The following SPRED3 variants were observed in gnomAD, a reference collection of about 807,000 sequenced individuals.
SPRED3 encodes the protein sprouty-related, EVH1 domain-containing protein 3.
In SPRED3, 23 loss-of-function variants were observed where a neutral mutation model predicts 37.6. That is an observed-to-expected ratio of 0.61 (90% CI 0.44 to 0.87). The LOEUF (loss-of-function observed/expected upper bound fraction) is 0.87. SPRED3 is among the 40% of genes least tolerant of loss of function. The pLI is 0.00. For missense variants in SPRED3, 584 were observed against 618.6 expected (o/e 0.94, Z 0.59); for synonymous variants, 302 against 279.6 (o/e 1.08, Z -0.80).
chr19:38,390,820 A>G (rs1366757848), intron 2 of SPRED3, among the ~76,000 whole-genome samples: 1 of 76,992 alleles, frequency 1.3e-5, no homozygotes, highest in Non-Finnish European at 2.5e-5. Flanking sequence ...AAAACCCTCC[A>G]TCTTGCTCAG....
At chr19:38,391,702 G>A (rs769781842) in intron 2 of SPRED3, among the ~76,000 whole-genome samples, 5 of 152,222 alleles carry the variant, frequency 3.3e-5, no homozygotes, top group African/African-American at 4.8e-5. Flanking sequence ...GGTTGATTCC[G>A]TAGTGAGCCC....
rs897664837 is a variant in SPRED3, at chr19:38,395,929, C to G, written c.1017C>G (p.Leu339=). ...LSCLWCAESL[L]YHCLSDAEGD... ...GCCTGTGGTGCGCCGAGAGCTTGCTCTACCACTGCCTGTCGGACGCCGAGG... is the reference window on the plus strand; with the variant it reads ...GCCTGTGGTGCGCCGAGAGCTTGCTGTACCACTGCCTGTCGGACGCCGAGG... Residue 339 remains leucine, a synonymous_variant, in exon 6 of 6, where the codon CTC becomes CTG. Transcript: ENST00000691638. This position sits in a 1 kb window ranked among gnomAD's most constrained non-coding sequence, Gnocchi z 5.2. The G allele has an allele frequency of 2.0e-6, 3 of 1,507,646 alleles. No individual in the cohort carries two copies. The highest frequency in any genetic ancestry group is 2.6e-6 in the Non-Finnish European group (3 of 1,137,084). 93.4% of individuals were successfully genotyped at this position (1,507,646 alleles called of 1,614,324 possible). A position where few individuals can be genotyped will look rare whatever the true frequency, so the allele number is the denominator to read the frequency against.
rs756112661 is a variant in SPRED3 at position 38,395,815 on chromosome 19, C to T, written c.903C>T (p.Arg301=). ...AGGCAGCGCGCTGCGTGCATTGCCGCGCGCTCTTCCGTCGCAGAGCAGACG... is the reference window on the plus strand; with the variant it reads ...AGGCAGCGCGCTGCGTGCATTGCCGTGCGCTCTTCCGTCGCAGAGCAGACG... ...AEEAARCVHC[R]ALFRRRADGR... The change falls in exon 6 of 6, where the codon CGC becomes CGT. Residue 301 remains arginine (R), a synonymous_variant. Transcript: ENST00000691638. This position sits in a 1 kb window ranked among gnomAD's most constrained non-coding sequence, Gnocchi z 5.2. 2 of 1,460,366 alleles carry T rather than the reference C, an allele frequency of 1.4e-6. No homozygotes were observed. The highest frequency in any genetic ancestry group is 2.9e-5 in the East Asian group (1 of 34,010). 90.5% of individuals were successfully genotyped at this position (1,460,366 alleles called of 1,614,324 possible).
rs1268272414 is a variant in SPRED3 at position 38,395,858 on chromosome 19, G to T, written c.946G>T (p.Ala316Ser). ...RRADGRGGRCAEAPDPGRLLV... is the reference protein window; with the variant it reads ...RRADGRGGRCSEAPDPGRLLV... Reference sequence around the variant, plus strand: ...AGCAGACGGGCGTGGCGGCCGCTGCGCAGAGGCCCCGGACCCGGGTCGCCT... The same window carrying T: ...AGCAGACGGGCGTGGCGGCCGCTGCTCAGAGGCCCCGGACCCGGGTCGCCT... Residue 316 changes from alanine to serine, a missense_variant, in exon 6 of 6, where the codon GCA becomes TCA. Around this residue, in one of 7 missense-constraint regions of SPRED3, gnomAD observed 67 missense variants for 57.4 expected, o/e 1.17. Coordinates refer to ENST00000691638, the MANE Select transcript of SPRED3 (RefSeq NM_001394336.1). This position sits in a 1 kb window ranked among gnomAD's most constrained non-coding sequence, Gnocchi z 5.2. The T allele has an allele frequency of 6.7e-7, 1 of 1,481,618 alleles. No homozygotes were observed. Among genetic ancestry groups the T allele is most frequent in the Non-Finnish European group, 8.9e-7 (1 of 1,124,520 alleles). The allele number at this position is 1,481,618 out of a possible 1,614,324, so 91.8% of individuals were successfully genotyped here. A position where few individuals can be genotyped will look rare whatever the true frequency, so the allele number is the denominator to read the frequency against.
At position 38,392,093 on chromosome 19, in the gene SPRED3, G is replaced by T. The variant is rs375310123; in HGVS notation, c.325G>T (p.Ala109Ser). Residue 109 changes from alanine to serine, a missense_variant, in exon 3 of 6, where the codon GCG (alanine) becomes TCG (serine). By Grantham distance (99) the Ala-to-Ser change is moderately conservative. Coordinates refer to ENST00000691638, the MANE Select transcript of SPRED3 (RefSeq NM_001394336.1). Reference sequence around the variant, plus strand: ...TGAGTTCCAGAAGAGCCTGCTGGCTGCGCTGGCCGCACTGGGTCGAGGTGA... The same window carrying T: ...TGAGTTCCAGAAGAGCCTGCTGGCTTCGCTGGCCGCACTGGGTCGAGGTGA... ...ADEFQKSLLA[A>S]LAALGRGSLT... The T allele has an allele frequency of 6.2e-7, 1 of 1,614,198 alleles. No individual in the cohort carries two copies. Among genetic ancestry groups the T allele is most frequent in the East Asian group, 2.2e-5 (1 of 44,886 alleles).
rs556327457 is a variant in SPRED3, at chr19:38,391,650, C to T, written c.178-296C>T. ...TGGGGGTTCATGCCTGTAATCCCAGCACTTTGGGAGGCTGAGGCAGGAGGA... is the reference window on the plus strand; with the variant it reads ...TGGGGGTTCATGCCTGTAATCCCAGTACTTTGGGAGGCTGAGGCAGGAGGA... On this transcript the variant is annotated intron_variant, in intron 2 of 5. Coordinates refer to ENST00000691638, the MANE Select transcript of SPRED3 (RefSeq NM_001394336.1). Among the ~76,000 whole-genome samples, 96 of 152,230 alleles carry T rather than the reference C, an allele frequency of 6.3e-4. 2 individuals are homozygous for T. In the South Asian group the frequency reaches 0.019, roughly 31 times the overall value.
rs1344167361 is a variant in SPRED3 at position 38,396,014 on chromosome 19, G to A, written c.1102G>A (p.Ala368Thr). ...CCACCCGCGCCCCGCCGCGCGCTGG[G>A]CCGCGCTGGCCGCGCTCTCCCTGGC... ...PGHPRPAARWAALAALSLAVP... is the reference protein window; with the variant it reads ...PGHPRPAARWTALAALSLAVP... The change falls in exon 6 of 6, where the codon GCC (alanine) becomes ACC (threonine). Residue 368 changes from alanine to threonine, a missense_variant. This residue lies in a region of SPRED3 where 85 missense variants were observed against 117.8 expected (regional missense o/e 0.72). Transcript: ENST00000691638. The A allele has an allele frequency of 7.3e-7, 1 of 1,371,176 alleles. No homozygotes were observed. The highest frequency in any genetic ancestry group is 9.3e-7 in the Non-Finnish European group (1 of 1,072,250). 84.9% of individuals were successfully genotyped at this position (1,371,176 alleles called of 1,614,324 possible).
intron 4 of SPRED3, chr19:38,394,392 C>T: frequency 6.3e-7 from 1 of 1,580,946 alleles, no homozygotes; most frequent in Non-Finnish European, 8.7e-7. Context: ...ATGCTGTGCC[C>T]TTGACAGTGG....
Position 38,397,492 on chromosome 19 carries a change from G to A in SPRED3, c.*1347G>A, listed in dbSNP as rs1425848342. On this transcript the variant is annotated 3_prime_UTR_variant, in exon 6 of 6. Transcript: ENST00000691638. The stretch of plus-strand genomic sequence containing the variant: ...CTCCATACCAGAGGCGTTCAGATTC[G>A]AGGTGCCCCAAGACCCCAGCACCCT... 1.3e-5 allele frequency: 2 copies of A among 152,184 alleles called. No homozygotes were observed. Among genetic ancestry groups the A allele is most frequent in the South Asian group, 2.1e-4 (1 of 4,812 alleles). The allele number at this position is 152,184 out of a possible 1,614,324, so 9.4% of individuals were successfully genotyped here.
rs1016084731 is a variant in SPRED3 at position 38,399,083 on chromosome 19, A to T, written c.*2938A>T. The T allele has an allele frequency of 6.6e-6, 1 of 151,568 alleles. No individual in the cohort carries two copies. Among genetic ancestry groups the T allele is most frequent in the African/African-American group, 2.4e-5 (1 of 41,172 alleles). 9.4% of individuals were successfully genotyped at this position (151,568 alleles called of 1,614,324 possible). ...CCCCCTTCCATGGTGGGCGGGGGGG[A>T]AGCTCCATTCTTAACCTACCTCGTT... On this transcript the variant is annotated 3_prime_UTR_variant, in exon 6 of 6. Coordinates refer to ENST00000691638, the MANE Select transcript of SPRED3 (RefSeq NM_001394336.1).
In SPRED3 at chr19:38,395,559, G is replaced by T; in HGVS notation, c.647G>T (p.Gly216Val). The part of the protein sequence containing the change: ...PLAGAGGLGW[G>V]GRGYEDYRRS... ...GCAGGGGCAGGGGGCCTGGGGTGGG[G>T]CGGCCGCGGCTACGAGGATTACCGG... The change falls in exon 6 of 6, where the codon GGC becomes GTC. Residue 216 changes from glycine (G) to valine (V), a missense_variant. Physicochemically the swap from Gly to Val is moderately radical, Grantham distance 109. Around this residue, in one of 7 missense-constraint regions of SPRED3, gnomAD observed 310 missense variants for 281.1 expected, o/e 1.10. Transcript: ENST00000691638. The surrounding 1 kb of genome is among the most constrained non-coding windows in gnomAD (Gnocchi z 5.2). 6.4e-7 allele frequency: 1 copy of T among 1,552,376 alleles called. No homozygotes were observed. The highest frequency in any genetic ancestry group is 8.7e-7 in the Non-Finnish European group (1 of 1,151,936).
intron 1 of SPRED3, chr19:38,389,986 G>C (rs764204972): frequency 3.8e-6 from 1 of 263,704 alleles, no homozygotes; most frequent in East Asian, 6.9e-5. Context: ...TAAGCAGGAG[G>C]GGGAGGGAAG....
rs1210712909 is a variant in SPRED3 at position 38,395,576 on chromosome 19, G to A, written c.664G>A (p.Asp222Asn). The change falls in exon 6 of 6, where the codon GAT (aspartate) becomes AAT (asparagine). Residue 222 changes from aspartate (D) to asparagine (N), a missense_variant. Physicochemically the swap from Asp to Asn is conservative, Grantham distance 23. Around this residue, in one of 7 missense-constraint regions of SPRED3, gnomAD observed 310 missense variants for 281.1 expected, o/e 1.10. Transcript: ENST00000691638. The surrounding 1 kb of genome is among the most constrained non-coding windows in gnomAD (Gnocchi z 5.2). ...GLGWGGRGYEDYRRSGPPAPL... is the reference protein window; with the variant it reads ...GLGWGGRGYENYRRSGPPAPL... ...GGGGTGGGGCGGCCGCGGCTACGAGGATTACCGGCGCTCCGGGCCACCCGC... is the reference window on the plus strand; with the variant it reads ...GGGGTGGGGCGGCCGCGGCTACGAGAATTACCGGCGCTCCGGGCCACCCGC... 6.4e-7 allele frequency: 1 copy of A among 1,554,284 alleles called. No homozygotes were observed. The highest frequency in any genetic ancestry group is 8.7e-7 in the Non-Finnish European group (1 of 1,153,610).
Position 38,394,722 on chromosome 19 carries a change from C to A in SPRED3, c.503C>A (p.Thr168Lys), listed in dbSNP as rs770870676. 3.1e-6 allele frequency: 5 copies of A among 1,592,914 alleles called. 1 individual carries two copies. The South Asian group carries it at 5.7e-5, about 18-fold the overall frequency. ...PPSAAAAPII[T>K]MESASGFGPT... is the part of the protein sequence containing the mutation. ...AGCGCCGCTGCGGCCCCCATCATCA[C>A]GATGGAGTCAGCTTCAGGCTTCGGG... is the stretch of plus-strand genomic sequence containing the variant. Residue 168 changes from threonine (T) to lysine (K), a missense_variant, in exon 5 of 6, where the codon ACG (threonine) becomes AAG (lysine). Physicochemically the swap from Thr to Lys is moderately conservative, Grantham distance 78. This residue lies in a region of SPRED3 where 310 missense variants were observed against 281.1 expected (regional missense o/e 1.10). Coordinates refer to ENST00000691638, the MANE Select transcript of SPRED3 (RefSeq NM_001394336.1).
rs1057198676 is a variant in SPRED3, at chr19:38,391,836, A to G, written c.178-110A>G. On this transcript the variant is annotated intron_variant, in intron 2 of 5. Transcript: ENST00000691638. ...TCAGGGTTACACTTAGGGTTGGGAA[A>G]TGAGGTTTGTGAGAAGACACTAGGG... The G allele has an allele frequency of 3.9e-6, 5 of 1,279,516 alleles. No individual in the cohort carries two copies. In the African/African-American group the frequency reaches 5.9e-5, roughly 15 times the overall value. 79.3% of individuals were successfully genotyped at this position (1,279,516 alleles called of 1,614,324 possible).
At position 38,392,306 on chromosome 19, in the gene SPRED3, C is replaced by A; in HGVS notation, c.423+18C>A. 6.6e-7 allele frequency: 1 copy of A among 1,513,110 alleles called. No homozygotes were observed. The highest frequency in any genetic ancestry group is 8.8e-7 in the Non-Finnish European group (1 of 1,131,944). The allele number at this position is 1,513,110 out of a possible 1,614,324, so 93.7% of individuals were successfully genotyped here. A position where few individuals can be genotyped will look rare whatever the true frequency, so the allele number is the denominator to read the frequency against. On this transcript the variant is annotated intron_variant, in intron 4 of 5. Coordinates refer to ENST00000691638, the MANE Select transcript of SPRED3 (RefSeq NM_001394336.1). ...CTCTGACGGTGAGTGTCCAGGATGCCTCTCTGCTGGGGGAGGGTAGGGGTT... is the reference window on the plus strand; with the variant it reads ...CTCTGACGGTGAGTGTCCAGGATGCATCTCTGCTGGGGGAGGGTAGGGGTT...
rs1388077194 is a variant in SPRED3 at position 38,392,440 on chromosome 19, G to A, written c.423+152G>A. 3.6e-6 allele frequency: 3 copies of A among 825,548 alleles called. No individual in the cohort carries two copies. In the Admixed American group the frequency reaches 9.7e-5, roughly 27 times the overall value. 51.1% of individuals were successfully genotyped at this position (825,548 alleles called of 1,614,324 possible). The stretch of plus-strand genomic sequence containing the variant: ...AACTATGAGTGTCAATTCAATCCCA[G>A]TTATTCTAGTCTTTCTGCCCTGTCA... On this transcript the variant is annotated intron_variant, in intron 4 of 5. Coordinates refer to ENST00000691638, the MANE Select transcript of SPRED3 (RefSeq NM_001394336.1).
In SPRED3 at chr19:38,398,536, C is replaced by T. The variant is rs940321317; in HGVS notation, c.*2391C>T. ...CAGGCATGAGCCACTGCACCTGGCT[C>T]TCTTCCACTTTAGAGTGAGAAGTTG... is the stretch of plus-strand genomic sequence containing the variant. On this transcript the variant is annotated 3_prime_UTR_variant, in exon 6 of 6. Transcript: ENST00000691638. The T allele has an allele frequency of 1.3e-5, 2 of 152,258 alleles. No homozygotes were observed. The highest frequency in any genetic ancestry group is 4.8e-5 in the African/African-American group (2 of 41,460). 9.4% of individuals were successfully genotyped at this position (152,258 alleles called of 1,614,324 possible).
chr19:38,394,703 G>T lies in SPRED3; in HGVS notation c.484G>T (p.Ala162Ser). 6.3e-7 allele frequency: 1 copy of T among 1,595,248 alleles called. No individual in the cohort carries two copies. Residue 162 changes from alanine (A) to serine (S), a missense_variant, in exon 5 of 6, where the codon GCT becomes TCT. By Grantham distance (99) the Ala-to-Ser change is moderately conservative. This residue lies in a region of SPRED3 where 310 missense variants were observed against 281.1 expected (regional missense o/e 1.10). Transcript: ENST00000691638. ...HSRQETPPSA[A>S]AAPIITMESA... is the part of the protein sequence containing the mutation. ...CCGCCAGGAGACTCCTCCCAGCGCC[G>T]CTGCGGCCCCCATCATCACGATGGA...
Sources: gnomAD v4.1 joint callset for allele counts (sites outside exome capture counted in the v4.1 genomes callset) on GRCh38, gnomAD v4.1.1 for gene constraint, gnomAD v4.1.1 regional missense constraint, Gnocchi (gnomAD v3.1) non-coding constraint, MANE v1.5 for transcripts, NCBI Gene and HGNC (gene_info 2026-07-23, HGNC 2026-07-21) for gene names.